Variants in BPI observed in about 807,000 individuals in gnomAD.
BPI encodes the protein bactericidal permeability increasing protein.
Under a neutral mutation model 57.6 loss-of-function variants are expected in BPI, and 48 were observed. The observed-to-expected ratio is 0.83, with a 90% CI of 0.66 to 1.06. The LOEUF is 1.06. Ranked by LOEUF, BPI falls within the 50% of genes least tolerant of loss-of-function variation. The probability of loss-of-function intolerance (pLI) is 0.00; values close to 1 mark genes in which losing one functional copy is unlikely to be tolerated. For missense variants in BPI, 651 were observed against 609.7 expected (o/e 1.07, Z -0.71); for synonymous variants, 237 against 238.2 (o/e 0.99, Z 0.05).
intron 13 of BPI, 35 bp from the exon 14 acceptor site, chr20:38,335,563 T>C: frequency 6.3e-7 from 1 of 1,594,036 alleles, no homozygotes; most frequent in Non-Finnish European, 8.6e-7. Flanking sequence ...TTCTCTTTCT[T>C]TTCTCCTGGT....
Position 38,324,676 on chromosome 20 carries a change from G to A in BPI, c.934-98G>A, listed in dbSNP as rs753052342. 10 of 980,074 alleles carry A rather than the reference G, an allele frequency of 1.0e-5. No homozygotes were observed. The Middle Eastern group carries it at 6.2e-4, about 61-fold the overall frequency. 60.7% of individuals were successfully genotyped at this position (980,074 alleles called of 1,614,324 possible). Reference sequence around the variant, plus strand: ...GTCACATAGGGGCTGGCCACTGTCTGTGTGTGCAGTCAGCCTCTCACCCCG... The same window carrying A: ...GTCACATAGGGGCTGGCCACTGTCTATGTGTGCAGTCAGCCTCTCACCCCG... On this transcript the variant is annotated intron_variant, in intron 8 of 14. Coordinates refer to ENST00000642449, the MANE Select transcript of BPI (RefSeq NM_001725.3).
At chr20:38,314,693 G>GATA (rs2076642935) in intron 5 of BPI, among the ~76,000 whole-genome samples, 1 of 146,202 alleles carries the variant, frequency 6.8e-6, no homozygotes, top group African/African-American at 2.6e-5. Context: ...TGGGGATGAT[G>GATA]ATGGTGGTGA....
At position 38,313,950 on chromosome 20, in the gene BPI, G is replaced by A. The variant is rs1429086274; in HGVS notation, c.600+2013G>A. On this transcript the variant is annotated intron_variant, in intron 5 of 14. Transcript: ENST00000642449. Reference sequence around the variant, plus strand: ...TGGCGATGATGGTGATGATGGTGATGGTGAGGTTGATGATGGTGATAGTGA... The same window carrying A: ...TGGCGATGATGGTGATGATGGTGATAGTGAGGTTGATGATGGTGATAGTGA... Among the ~76,000 whole-genome samples, 3 of 151,720 alleles carry A rather than the reference G, an allele frequency of 2.0e-5. No individual in the cohort carries two copies. In the East Asian group the frequency reaches 5.8e-4, roughly 29 times the overall value.
intron 7 of BPI, among the ~76,000 whole-genome samples, chr20:38,322,095 G>T (rs983530058): frequency 6.6e-6 from 1 of 152,164 alleles, no homozygotes; most frequent in Admixed American, 6.5e-5. Flanking sequence ...ATGTCCTCTT[G>T]CAGCCCTTTA....
rs982831230 is a variant in BPI at position 38,319,782 on chromosome 20, T to C, written c.665-401T>C. ...TCTGAGCCTCTGCATGGACAGGGCA[T>C]TGGGCATCCACCTCCTCTCAAAACC... On this transcript the variant is annotated intron_variant, in intron 6 of 14. Coordinates refer to ENST00000642449, the MANE Select transcript of BPI (RefSeq NM_001725.3). 3.8e-5 allele frequency: 7 copies of C among 186,282 alleles called. No individual in the cohort carries two copies. The East Asian group carries it at 4.5e-4, about 12-fold the overall frequency. The allele number at this position is 186,282 out of a possible 1,614,324, so 11.5% of individuals were successfully genotyped here. A position where few individuals can be genotyped will look rare whatever the true frequency, so the allele number is the denominator to read the frequency against.
At chr20:38,336,492 C>G (rs556514573) in intron 14 of BPI, among the ~76,000 whole-genome samples, 1 of 151,944 alleles carries the variant, frequency 6.6e-6, no homozygotes, top group East Asian at 1.9e-4. Context: ...ACCTCCGCAG[C>G]GAAACCGTCA....
rs576739167 is a variant in BPI at position 38,314,374 on chromosome 20, T to G, written c.600+2437T>G. 2.0e-3 allele frequency among the ~76,000 whole-genome samples: 298 copies of G among 149,332 alleles called. 1 individual carries two copies. Among genetic ancestry groups the G allele is most frequent in the Admixed American group, 2.9e-3 (43 of 15,026 alleles). The stretch of plus-strand genomic sequence containing the variant: ...GTAATGGTGGGGATGATGATGATGA[T>G]GGTGGTGATGGTGAGATTGATGATG... On this transcript the variant is annotated intron_variant, in intron 5 of 14. Transcript: ENST00000642449.
chr20:38,312,486 A>C (rs763916978), intron 5 of BPI, among the ~76,000 whole-genome samples: 1 of 152,268 alleles, frequency 6.6e-6, no homozygotes, highest in South Asian at 2.1e-4. Flanking sequence ...GGATGAGGCC[A>C]TTCATTTGGC....
intron 10 of BPI, 36 bp from the exon 11 acceptor site, chr20:38,327,552 G>C (rs368846296): frequency 6.8e-6 from 11 of 1,610,348 alleles, no homozygotes; most frequent in Non-Finnish European, 8.5e-6. Context: ...AGGTGCCTGG[G>C]TCAGGGCACT....
intron 2 of BPI, among the ~76,000 whole-genome samples, chr20:38,308,111 A>G (rs985855740): frequency 1.3e-5 from 2 of 152,090 alleles, no homozygotes; most frequent in Admixed American, 1.3e-4. Context: ...CCTAATTCGC[A>G]GGCAGTGTGT....
At chr20:38,335,721 C>T in intron 14 of BPI, 47 bp downstream of exon 14, 1 of 1,566,622 alleles carries the variant, frequency 6.4e-7, no homozygotes, top group Non-Finnish European at 8.8e-7. Flanking sequence ...CGATAGTGAC[C>T]AACAGCAGCC....
In BPI at chr20:38,304,167, C is replaced by G. The variant is rs1271241042; in HGVS notation, c.-57C>G. 9.3e-6 allele frequency: 15 copies of G among 1,608,904 alleles called. 1 individual carries two copies. In the East Asian group the frequency reaches 3.4e-4, roughly 36 times the overall value. On this transcript the variant is annotated 5_prime_UTR_variant, in exon 1 of 15. Coordinates refer to ENST00000642449, the MANE Select transcript of BPI (RefSeq NM_001725.3). ...TTCCCCAGCCGACTCTTTTATAGCT[C>G]CCTGGTTCAACCTCAAGGCCTTGAG...
chr20:38,304,477 C>A, intron 1 of BPI, 124 bp downstream of exon 1: 1 of 1,323,868 alleles, frequency 7.6e-7, no homozygotes, highest in Non-Finnish European at 1.0e-6. Flanking sequence ...GGTCCCCTTG[C>A]CCCCATTTTA....
intron 14 of BPI, among the ~76,000 whole-genome samples, chr20:38,336,441 C>T (rs1011129721): frequency 6.6e-5 from 10 of 152,030 alleles, no homozygotes; most frequent in Non-Finnish European, 8.8e-5. Context: ...ATGTCTCCAC[C>T]CTGAGGCCTC....
At chr20:38,317,841 T>C in intron 5 of BPI, 1 of 1,499,742 alleles carries the variant, frequency 6.7e-7, no homozygotes, top group Non-Finnish European at 8.9e-7. Context: ...TCAGATTTTC[T>C]CAGGCTAGTG....
chr20:38,304,536 G>A (rs117441598), intron 1 of BPI, among the ~76,000 whole-genome samples, 183 bp downstream of exon 1: 1,559 of 152,316 alleles, frequency 0.01, 10 homozygotes, highest in Admixed American at 0.014. Context: ...TGCAGGGCTG[G>A]GATGGCAGAG....
chr20:38,332,560 G>A (rs1233259233), intron 12 of BPI, among the ~76,000 whole-genome samples: 1 of 152,126 alleles, frequency 6.6e-6, no homozygotes, highest in Admixed American at 6.5e-5. Flanking sequence ...GTCAATGTCT[G>A]GCAGATTTAG....
chr20:38,308,802 C>T (rs1600698044), intron 2 of BPI, 128 bp from the exon 3 acceptor site: 3 of 1,276,996 alleles, frequency 2.3e-6, no homozygotes, highest in Non-Finnish European at 3.3e-6. Context: ...GCTTTGGGCT[C>T]CTCCTGGAAT....
intron 12 of BPI, among the ~76,000 whole-genome samples, chr20:38,334,221 G>C (rs888907791): frequency 6.6e-6 from 1 of 152,174 alleles, no homozygotes; most frequent in African/African-American, 2.4e-5. Context: ...GGAACCATTG[G>C]AGCAAAAGAA....
Sources: allele counts gnomAD v4.1 joint callset (sites outside exome capture counted in the v4.1 genomes callset), GRCh38; gene constraint gnomAD v4.1.1; transcripts MANE v1.5; gene names NCBI Gene and HGNC (gene_info 2026-07-23, HGNC 2026-07-21).